Variants in RHOBTB1 observed in about 807,000 individuals in gnomAD.
RHOBTB1 encodes the protein Rho related BTB domain containing 1, also known as rho-related BTB domain-containing protein 1.
RHOBTB1 carries 40 observed loss-of-function variants against 71.6 expected under a neutral mutation model. The ratio of observed to expected loss-of-function variants is 0.56; its 90% CI spans 0.43 to 0.73. The LOEUF (loss-of-function observed/expected upper bound fraction) is 0.73, where lower values mean the gene tolerates loss of function less well. RHOBTB1 is among the 30% of genes least tolerant of loss of function. RHOBTB1 has a pLI of 0.00. For missense variants in RHOBTB1, 797 were observed against 894.0 expected (o/e 0.89, Z 1.38); for synonymous variants, 319 against 334.9 (o/e 0.95, Z 0.52).
chr10:60,993,486 C>A (rs1297324577), intron 1 of RHOBTB1, among the ~76,000 whole-genome samples: 1 of 152,112 alleles, frequency 6.6e-6, no homozygotes, highest in Non-Finnish European at 1.5e-5. Flanking sequence ...CTCTGCAAGG[C>A]ATAACTGATT....
At chr10:60,865,806 C>T (rs560565014), downstream of RHOBTB1, among the ~76,000 whole-genome samples, 1 of 152,252 alleles carries the variant, frequency 6.6e-6, no homozygotes, top group South Asian at 2.1e-4. Flanking sequence ...GGCTTTGATT[C>T]AGTACATCTG....
chr10:60,926,048 T>G (rs1281870718), intron 2 of RHOBTB1, among the ~76,000 whole-genome samples: 1 of 151,980 alleles, frequency 6.6e-6, no homozygotes, highest in Non-Finnish European at 1.5e-5. Flanking sequence ...CGGACCAACA[T>G]GGTGCACCCC....
chr10:60,967,986 G>A (rs908524761), intron 2 of RHOBTB1, among the ~76,000 whole-genome samples: 6 of 152,060 alleles, frequency 3.9e-5, no homozygotes, highest in African/African-American at 7.2e-5. Context: ...AGAATTTAGC[G>A]CTGGAGGGAA....
intron 2 of RHOBTB1, among the ~76,000 whole-genome samples, chr10:60,983,543 G>C (rs1426491548): frequency 6.6e-6 from 1 of 151,700 alleles, no homozygotes; most frequent in Non-Finnish European, 1.5e-5. Context: ...TTTCCTCTTG[G>C]ATACTTTACT....
intron 2 of RHOBTB1, among the ~76,000 whole-genome samples, chr10:60,976,474 T>C (rs2086319550): frequency 6.6e-6 from 1 of 151,992 alleles, no homozygotes; most frequent in African/African-American, 2.4e-5. Flanking sequence ...TAAGAAACTG[T>C]ATACTGAAGT....
At chr10:60,884,263 T>A (rs1414151461) in intron 7 of RHOBTB1, among the ~76,000 whole-genome samples, 1 of 152,206 alleles carries the variant, frequency 6.6e-6, no homozygotes, top group Non-Finnish European at 1.5e-5. Context: ...AGTGCTCGAA[T>A]TTCTTGTGCT....
chr10:60,986,617 C>T (rs935913886), intron 1 of RHOBTB1, among the ~76,000 whole-genome samples: 2 of 151,514 alleles, frequency 1.3e-5, no homozygotes, highest in Non-Finnish European at 2.9e-5. Flanking sequence ...ATTTTATCCT[C>T]CTAATAAAAA....
At chr10:60,903,364 C>T (rs2082500392) in intron 4 of RHOBTB1, among the ~76,000 whole-genome samples, 1 of 152,018 alleles carries the variant, frequency 6.6e-6, no homozygotes, top group South Asian at 2.1e-4. Context: ...AGTCTCATGC[C>T]CATGAGTCTA....
chr10:61,001,672 C>T (rs934326326), upstream of RHOBTB1, among the ~76,000 whole-genome samples: 3 of 152,104 alleles, frequency 2.0e-5, no homozygotes, highest in African/African-American at 4.8e-5. Context: ...GGGCGGGGCC[C>T]CAACGCCTAG....
chr10:60,978,018 A>G (rs1270723015), intron 2 of RHOBTB1, among the ~76,000 whole-genome samples: 1 of 152,152 alleles, frequency 6.6e-6, no homozygotes, highest in African/African-American at 2.4e-5. Context: ...ATGCCGATAT[A>G]TTTTACAGTG....
chr10:60,907,108 C>T (rs142812595), intron 4 of RHOBTB1, among the ~76,000 whole-genome samples: 82 of 152,354 alleles, frequency 5.4e-4, no homozygotes, highest in African/African-American at 1.8e-3. Flanking sequence ...TCCTCCTTTG[C>T]CTTCTGCCAT....
intron 2 of RHOBTB1, among the ~76,000 whole-genome samples, chr10:60,929,989 T>C (rs1165439828): frequency 2.0e-5 from 3 of 152,186 alleles, no homozygotes; most frequent in Non-Finnish European, 2.9e-5. Flanking sequence ...AAGTGTAAAT[T>C]GTTGTCAACC....
chr10:60,878,405 C>G (rs990179837), intron 7 of RHOBTB1, among the ~76,000 whole-genome samples: 1 of 152,182 alleles, frequency 6.6e-6, no homozygotes, highest in African/African-American at 2.4e-5. Flanking sequence ...AATCTCCTAG[C>G]AACATGACAG....
At chr10:60,904,575 C>T (rs139971013) in intron 4 of RHOBTB1, among the ~76,000 whole-genome samples, 3 of 152,146 alleles carry the variant, frequency 2.0e-5, no homozygotes, top group Non-Finnish European at 4.4e-5. Context: ...TCTCTCTAAT[C>T]GTCAAAAATT....
chr10:60,914,513 C>T (rs2083168463), intron 2 of RHOBTB1, among the ~76,000 whole-genome samples: 1 of 152,056 alleles, frequency 6.6e-6, no homozygotes, highest in Non-Finnish European at 1.5e-5. Flanking sequence ...TAGAGCCAAT[C>T]CCTAAAATTT....
chr10:60,892,754 C>G, intron 5 of RHOBTB1, 56 bp downstream of exon 5: 1 of 1,471,170 alleles, frequency 6.8e-7, no homozygotes, highest in Non-Finnish European at 9.3e-7. Context: ...GAGACACCTG[C>G]TGCCTGTAAA....
intron 2 of RHOBTB1, among the ~76,000 whole-genome samples, chr10:60,937,760 C>G (rs950333308): frequency 8.5e-5 from 13 of 152,204 alleles, no homozygotes; most frequent in African/African-American, 3.1e-4. Context: ...ATAACCATTC[C>G]TTAAAATATC....
chr10:60,919,613 A>G lies in RHOBTB1; in HGVS notation c.-10-8061T>C, dbSNP rs575513771. Reference sequence around the variant, plus strand: ...TAAATCAACAGAATTCATTGTTGTAATCAACATTATTTTTTCAATGGACTG... The same window carrying G: ...TAAATCAACAGAATTCATTGTTGTAGTCAACATTATTTTTTCAATGGACTG... On this transcript the variant is annotated intron_variant, in intron 2 of 10. Transcript: ENST00000337910. Among the ~76,000 whole-genome samples the G allele has an allele frequency of 3.3e-5, 5 of 152,362 alleles. No homozygotes were observed. In the South Asian group the frequency reaches 8.3e-4, roughly 25 times the overall value.
intron 4 of RHOBTB1, among the ~76,000 whole-genome samples, chr10:60,906,555 C>T (rs1203492999): frequency 6.6e-6 from 1 of 152,200 alleles, no homozygotes; most frequent in Non-Finnish European, 1.5e-5. Flanking sequence ...AGTCCAGCTG[C>T]ACTCTGTCCT....
Sources: allele counts gnomAD v4.1 joint callset (sites outside exome capture counted in the v4.1 genomes callset), GRCh38; gene constraint gnomAD v4.1.1; transcripts MANE v1.5; gene names NCBI Gene and HGNC (gene_info 2026-07-23, HGNC 2026-07-21).